Variants in SPA17 observed in about 807,000 individuals in gnomAD.
The protein encoded by SPA17 is sperm autoantigenic protein 17, also known as sperm surface protein Sp17.
In SPA17, 7 loss-of-function variants were observed where a neutral mutation model predicts 13.8. The ratio of observed to expected loss-of-function variants is 0.51; its 90% CI spans 0.29 to 0.95. The LOEUF is 0.95. Ranked by LOEUF, SPA17 falls within the 40% of genes least tolerant of loss-of-function variation. The probability of loss-of-function intolerance (pLI) is 0.08; values close to 1 mark genes in which losing one functional copy is unlikely to be tolerated. For missense variants in SPA17, 170 were observed against 179.3 expected (o/e 0.95, Z 0.30); for synonymous variants, 61 against 59.0 (o/e 1.03, Z -0.16).
chr11:124,694,251 C>G (rs1943651491), intron 4 of SPA17, 52 bp from the exon 5 acceptor site: 2 of 1,575,590 alleles, frequency 1.3e-6, no homozygotes, highest in Non-Finnish European at 1.7e-6. Flanking sequence ...TTTGTGGCAT[C>G]AAAACTACGC....
intron 2 of SPA17, among the ~76,000 whole-genome samples, chr11:124,681,063 A>G (rs531148324): frequency 1.3e-5 from 2 of 152,232 alleles, no homozygotes; most frequent in Non-Finnish European, 2.9e-5. Context: ...GTTTACTAAT[A>G]CATGTTCTAA....
At chr11:124,682,285 C>A (rs1188642303) in intron 3 of SPA17, among the ~76,000 whole-genome samples, 1 of 152,076 alleles carries the variant, frequency 6.6e-6, no homozygotes, top group Non-Finnish European at 1.5e-5. Flanking sequence ...TTGGCATCAA[C>A]TGGAAACTTG....
At chr11:124,689,196 A>G (rs1943601908) in intron 3 of SPA17, among the ~76,000 whole-genome samples, 1 of 152,232 alleles carries the variant, frequency 6.6e-6, no homozygotes. Flanking sequence ...ATAAGACCTA[A>G]AACTGTAAAA....
At chr11:124,681,525 G>C in intron 3 of SPA17, 66 bp downstream of exon 3, 1 of 1,230,614 alleles carries the variant, frequency 8.1e-7, no homozygotes, top group Non-Finnish European at 1.1e-6. Flanking sequence ...GCAATTATTA[G>C]GCTATCCCCA....
At chr11:124,687,927 C>T (rs985731976) in intron 3 of SPA17, among the ~76,000 whole-genome samples, 12 of 152,068 alleles carry the variant, frequency 7.9e-5, no homozygotes, top group East Asian at 1.9e-4. Context: ...TACTGGAAGT[C>T]GTAGCCAGAG....
rs563302194 is a variant in SPA17, at chr11:124,686,336, C to A, written c.225+4877C>A. On this transcript the variant is annotated intron_variant, in intron 3 of 4. Transcript: ENST00000227135. ...CATGCAGAACTGTGAGTCAATTAAA[C>A]CTCTTTTCTTTATAAATTACCCAGT... Among the ~76,000 whole-genome samples, 6 of 152,298 alleles carry A rather than the reference C, an allele frequency of 3.9e-5. No individual in the cohort carries two copies. In the East Asian group the frequency reaches 1.2e-3, roughly 29 times the overall value.
At position 124,694,366 on chromosome 11, in the gene SPA17, C is replaced by G; in HGVS notation, c.376C>G (p.Arg126Gly). The G allele has an allele frequency of 6.2e-7, 1 of 1,613,754 alleles. No individual in the cohort carries two copies. Among genetic ancestry groups the G allele is most frequent in the Non-Finnish European group, 8.5e-7 (1 of 1,179,910 alleles). The change falls in exon 5 of 5, where the codon CGG becomes GGG. Residue 126 changes from arginine to glycine, a missense_variant. Physicochemically the swap from Arg to Gly is moderately radical, Grantham distance 125. Transcript: ENST00000227135. ...VAAVKIQAAF[R>G]GHIAREEAKK... ...TGCTGTCAAAATCCAAGCTGCCTTCCGGGGACACATAGCCAGAGAGGAGGC... is the reference window on the plus strand; with the variant it reads ...TGCTGTCAAAATCCAAGCTGCCTTCGGGGGACACATAGCCAGAGAGGAGGC...
intron 3 of SPA17, among the ~76,000 whole-genome samples, chr11:124,688,232 C>CA (rs1437758457): frequency 6.6e-6 from 1 of 152,218 alleles, no homozygotes; most frequent in African/African-American, 2.4e-5. Flanking sequence ...AGGCAGGTCT[C>CA]AAACTCCTGG....
At chr11:124,679,444 A>C (rs2134409284) in intron 2 of SPA17, among the ~76,000 whole-genome samples, 1 of 152,330 alleles carries the variant, frequency 6.6e-6, no homozygotes, top group South Asian at 2.1e-4. Flanking sequence ...GTTATTAGGA[A>C]TAAGATTTTT....
intron 3 of SPA17, among the ~76,000 whole-genome samples, 198 bp downstream of exon 3, chr11:124,681,657 T>C (rs1257450548): frequency 6.6e-6 from 1 of 151,840 alleles, no homozygotes; most frequent in Non-Finnish European, 1.5e-5. Flanking sequence ...TAAAAACTTA[T>C]TAAATCTTAT....
rs1417469805 is a variant in SPA17, at chr11:124,694,555, A to G, written c.*109A>G. ...GGAAGATTTGATGTTGTGAAATAAC[A>G]TTCGTTACTGTTGTGAAAATCTGTC... On this transcript the variant is annotated 3_prime_UTR_variant, in exon 5 of 5. Transcript: ENST00000227135. 6 of 1,398,852 alleles carry G rather than the reference A, an allele frequency of 4.3e-6. No individual in the cohort carries two copies. The Admixed American group carries it at 1.2e-4, about 27-fold the overall frequency. The allele number at this position is 1,398,852 out of a possible 1,614,324, so 86.7% of individuals were successfully genotyped here.
Position 124,691,759 on chromosome 11 carries a change from G to A in SPA17, c.289G>A (p.Glu97Lys), listed in dbSNP as rs763651030. The change falls in exon 4 of 5, where the codon GAA becomes AAA. Residue 97 changes from glutamate (E) to lysine (K), a missense_variant. Transcript: ENST00000227135. ...AGAGTCTCAGATATCTGGGAAGGAG[G>A]AAGAGACATCAGTCACCATCTTAGT... ...QEESQISGKE[E>K]ETSVTILDSS... The A allele has an allele frequency of 1.9e-6, 3 of 1,611,146 alleles. No individual in the cohort carries two copies. In the South Asian group the frequency reaches 3.3e-5, roughly 18 times the overall value.
At position 124,686,758 on chromosome 11, in the gene SPA17, G is replaced by T. The variant is rs1285113911; in HGVS notation, c.226-4938G>T. On this transcript the variant is annotated intron_variant, in intron 3 of 4. Coordinates refer to ENST00000227135, the MANE Select transcript of SPA17 (RefSeq NM_017425.4). The stretch of plus-strand genomic sequence containing the variant: ...AAACTGTTTGAAACAAATGAAAACT[G>T]GAAACACAACATAACAAAACCTATG... Among the ~76,000 whole-genome samples, 3 of 152,086 alleles carry T rather than the reference G, an allele frequency of 2.0e-5. No individual in the cohort carries two copies. The East Asian group carries it at 5.8e-4, about 29-fold the overall frequency.
rs60663679 is a variant in SPA17 at position 124,678,516 on chromosome 11, C to CTGTGTG, written c.155-2845_155-2840dup. ...AAAAGAGGTTGATATGAATACATAA[C>CTGTGTG]TGTGTGTGTGTGTGTGTGTGTGTGT... On this transcript the variant is annotated intron_variant, in intron 2 of 4. Transcript: ENST00000227135. Among the ~76,000 whole-genome samples the CTGTGTG allele has an allele frequency of 6.7e-3, 958 of 143,338 alleles. 7 individuals are homozygous for CTGTGTG. Among genetic ancestry groups the CTGTGTG allele is most frequent in the African/African-American group, 0.015 (575 of 39,218 alleles). The allele number at this position is 143,338 out of a possible 152,430, so 94.0% of individuals were successfully genotyped here.
intron 1 of SPA17, 86 bp downstream of exon 1, chr11:124,674,038 A>G: frequency 3.3e-6 from 1 of 304,252 alleles, no homozygotes; most frequent in East Asian, 7.2e-5. Context: ...TCCCAGACAC[A>G]GCCTCGGAGC....
intron 3 of SPA17, among the ~76,000 whole-genome samples, chr11:124,684,980 A>G (rs1246744245): frequency 6.6e-6 from 1 of 152,256 alleles, no homozygotes; most frequent in African/African-American, 2.4e-5. Flanking sequence ...GAAAATTTGC[A>G]GCCTGATGAC....
chr11:124,697,250 T>C lies in SPA17; in HGVS notation c.*2804T>C, dbSNP rs1251241832. On this transcript the variant is annotated 3_prime_UTR_variant, in exon 5 of 5. Coordinates refer to ENST00000227135, the MANE Select transcript of SPA17 (RefSeq NM_017425.4). ...AGACAATTATATTTTCTCCTGGGTC[T>C]GTAGGTCAGTGGTAATGTAGCTAAG... 6.6e-6 allele frequency: 1 copy of C among 152,240 alleles called. No homozygotes were observed. Among genetic ancestry groups the C allele is most frequent in the African/African-American group, 2.4e-5 (1 of 41,460 alleles). 9.4% of individuals were successfully genotyped at this position (152,240 alleles called of 1,614,324 possible). A position where few individuals can be genotyped will look rare whatever the true frequency, so the allele number is the denominator to read the frequency against.
At chr11:124,688,943 A>G (rs140957742) in intron 3 of SPA17, among the ~76,000 whole-genome samples, 121 of 152,338 alleles carry the variant, frequency 7.9e-4, no homozygotes, top group African/African-American at 2.8e-3. Flanking sequence ...CCGAAACAGC[A>G]TAGAACCGGT....
chr11:124,677,751 A>G (rs1943484697), intron 2 of SPA17, among the ~76,000 whole-genome samples: 1 of 152,232 alleles, frequency 6.6e-6, no homozygotes, highest in Non-Finnish European at 1.5e-5. Flanking sequence ...CAATGGGTTA[A>G]TAGCCCTAAT....
Sources: allele counts gnomAD v4.1 joint callset (sites outside exome capture counted in the v4.1 genomes callset), GRCh38; gene constraint gnomAD v4.1.1; transcripts MANE v1.5; gene names NCBI Gene and HGNC (gene_info 2026-07-23, HGNC 2026-07-21).